Variants in MCCC1 observed in about 807,000 individuals in gnomAD.
MCCC1 encodes methylcrotonoyl-CoA carboxylase subunit alpha, mitochondrial.
In MCCC1, 64 loss-of-function variants were observed where a neutral mutation model predicts 83.8. That is an observed-to-expected ratio of 0.76 (90% CI 0.62 to 0.94). The LOEUF is 0.94. MCCC1 is among the 40% of genes least tolerant of loss of function. The pLI is 0.00. For synonymous variants in MCCC1, 322 were observed against 315.4 expected, an observed-to-expected ratio of 1.02 and a Z score of -0.22; for missense variants, 807 against 904.7, an observed-to-expected ratio of 0.89 and a Z score of 1.39.
upstream of MCCC1, among the ~76,000 whole-genome samples, chr3:183,102,079 G>A (rs1719320552): frequency 6.6e-6 from 1 of 152,200 alleles, no homozygotes. Flanking sequence ...AAGTCAGTGA[G>A]ACCAAGAACC....
chr3:183,017,568 G>C lies in MCCC1; in HGVS notation c.1978-231C>G. The C allele has an allele frequency of 5.6e-6, 3 of 534,062 alleles. No individual in the cohort carries two copies. The South Asian group carries it at 6.4e-5, about 11-fold the overall frequency. 33.1% of individuals were successfully genotyped at this position (534,062 alleles called of 1,614,324 possible). A position where few individuals can be genotyped will look rare whatever the true frequency, so the allele number is the denominator to read the frequency against. Reference sequence around the variant, plus strand: ...ACAGAGCAGAAGTAGAGCCCATGTGGTTGTGCCATCTGCCAAATGCACTGG... The same window carrying C: ...ACAGAGCAGAAGTAGAGCCCATGTGCTTGTGCCATCTGCCAAATGCACTGG... On this transcript the variant is annotated intron_variant, in intron 17 of 18. Coordinates refer to ENST00000265594, the MANE Select transcript of MCCC1 (RefSeq NM_020166.5).
intron 16 of MCCC1, among the ~76,000 whole-genome samples, chr3:183,021,616 CA>C (rs1387688642): frequency 6.6e-6 from 1 of 152,162 alleles, no homozygotes; most frequent in African/African-American, 2.4e-5. Flanking sequence ...TGTTAAGTGG[CA>C]AGGCAGAATT....
At chr3:183,050,657 G>T (rs113251504) in intron 9 of MCCC1, among the ~76,000 whole-genome samples, 4,585 of 127,250 alleles carry the variant, frequency 0.036, 253 homozygotes, top group African/African-American at 0.13. Context: ...AGTGAGCCGA[G>T]ATCACACCAT....
chr3:183,056,594 G>T (rs1226973137), intron 8 of MCCC1, among the ~76,000 whole-genome samples: 1 of 152,152 alleles, frequency 6.6e-6, no homozygotes, highest in East Asian at 1.9e-4. Flanking sequence ...CATATTTTGA[G>T]AACATCTGAA....
chr3:183,099,756 T>C (rs1719037614), upstream of MCCC1, among the ~76,000 whole-genome samples: 1 of 152,222 alleles, frequency 6.6e-6, no homozygotes, highest in Non-Finnish European at 1.5e-5. Flanking sequence ...TGGTTGCCTG[T>C]CACTGTTTCT....
intron 3 of MCCC1, 106 bp downstream of exon 3, chr3:183,092,303 C>T (rs543914745): frequency 8.9e-6 from 13 of 1,452,798 alleles, no homozygotes; most frequent in South Asian, 1.2e-5. Context: ...TTACCTACTT[C>T]AACCCTGATA....
intron 1 of MCCC1, among the ~76,000 whole-genome samples, chr3:183,113,776 G>A (rs1196851100): frequency 6.6e-6 from 1 of 151,994 alleles, no homozygotes; most frequent in Non-Finnish European, 1.5e-5. Context: ...CAGAGTTCTG[G>A]GAGCCACTCT....
intron 4 of MCCC1, among the ~76,000 whole-genome samples, chr3:183,073,402 C>T (rs1442336652): frequency 6.6e-6 from 1 of 152,180 alleles, no homozygotes; most frequent in Admixed American, 6.5e-5. Flanking sequence ...AAATACCTCA[C>T]TTATCTTCAG....
At chr3:183,116,026 T>C (rs1407826975) in exon 1 of MCCC1, 1 of 152,208 alleles carries the variant, frequency 6.6e-6, no homozygotes, top group Non-Finnish European at 1.5e-5. Flanking sequence ...TTTTTTAAAT[T>C]AAGCTAGAAA....
At chr3:183,019,031 G>T (rs557753194) in intron 17 of MCCC1, among the ~76,000 whole-genome samples, 4 of 152,270 alleles carry the variant, frequency 2.6e-5, no homozygotes, top group African/African-American at 9.6e-5. Flanking sequence ...AGAGGCCTGT[G>T]GGAACTGAAA....
chr3:183,035,691 A>G (rs372580412), intron 13 of MCCC1, among the ~76,000 whole-genome samples: 2 of 152,260 alleles, frequency 1.3e-5, no homozygotes, highest in East Asian at 3.9e-4. Context: ...CAAACTGTAT[A>G]GGGTAATATA....
Position 183,085,260 on chromosome 3 carries a change from C to G in MCCC1, c.369+1433G>C, listed in dbSNP as rs73053955. On this transcript the variant is annotated intron_variant, in intron 4 of 18. Transcript: ENST00000265594. ...CCCACTTCAATCATCCATTTCCCCA[C>G]CCAGAAGCCACAGCGATTTTATTAA... 4.7e-3 allele frequency among the ~76,000 whole-genome samples: 709 copies of G among 152,222 alleles called. 5 individuals carry two copies. Among genetic ancestry groups the G allele is most frequent in the African/African-American group, 0.016 (674 of 41,550 alleles).
At chr3:183,088,823 C>G (rs1718107458) in intron 3 of MCCC1, among the ~76,000 whole-genome samples, 1 of 152,188 alleles carries the variant, frequency 6.6e-6, no homozygotes, top group Non-Finnish European at 1.5e-5. Flanking sequence ...GTACACATGT[C>G]TATACCTCAT....
chr3:183,111,775 T>A (rs1241756929), intron 1 of MCCC1, among the ~76,000 whole-genome samples: 3 of 152,194 alleles, frequency 2.0e-5, no homozygotes, highest in Admixed American at 2.0e-4. Context: ...AGCAACACAG[T>A]GATCAGACGG....
At chr3:183,099,572 G>A (rs529095789), upstream of MCCC1, 68 of 1,068,700 alleles carry the variant, frequency 6.4e-5, 1 homozygote, top group South Asian at 8.8e-4. Flanking sequence ...CTACCTTTGG[G>A]CTGATCCAAG....
At chr3:183,104,059 T>C (rs375445175), upstream of MCCC1, among the ~76,000 whole-genome samples, 4 of 152,104 alleles carry the variant, frequency 2.6e-5, no homozygotes, top group East Asian at 3.9e-4. Flanking sequence ...CCACCAAGCC[T>C]ACGCCCACCC....
intron 1 of MCCC1, among the ~76,000 whole-genome samples, chr3:183,111,450 C>T (rs902545925): frequency 2.0e-5 from 3 of 152,180 alleles, no homozygotes; most frequent in African/African-American, 7.2e-5. Flanking sequence ...TAGGCACCTA[C>T]CACCACGCCT....
In MCCC1 at chr3:183,092,454, C is replaced by T; in HGVS notation, c.228G>A (p.Val76=). The T allele has an allele frequency of 6.2e-7, 1 of 1,614,174 alleles. No homozygotes were observed. The highest frequency in any genetic ancestry group is 2.2e-5 in the East Asian group (1 of 44,880). ...TTCTGTCAGCCTCACTATAAACCGC[C>T]ACAGTCTGTACACCCAGTTTTTTGG... is the stretch of plus-strand genomic sequence containing the variant. The part of the protein sequence containing the change: ...RTAKKLGVQT[V]AVYSEADRNS... The change falls in exon 3 of 19, where the codon GTG becomes GTA. Residue 76 remains valine (V), a synonymous_variant. Coordinates refer to ENST00000265594, the MANE Select transcript of MCCC1 (RefSeq NM_020166.5).
In MCCC1 at chr3:183,064,189, T is replaced by C. The variant is rs186899589; in HGVS notation, c.762-6767A>G. ...CGGCGGTCGGTGATAGGATTAGGCA[T>C]GTACAGGATGGTGGGACATGGGGAG... is the stretch of plus-strand genomic sequence containing the variant. On this transcript the variant is annotated intron_variant, in intron 7 of 18. Coordinates refer to ENST00000265594, the MANE Select transcript of MCCC1 (RefSeq NM_020166.5). The surrounding 1 kb of genome is among the most constrained non-coding windows in gnomAD (Gnocchi z 4.5). Among the ~76,000 whole-genome samples, 14 of 151,904 alleles carry C rather than the reference T, an allele frequency of 9.2e-5. No homozygotes were observed. Among genetic ancestry groups the C allele is most frequent in the Middle Eastern group, 3.5e-3 (1 of 288 alleles).
Sources: allele counts gnomAD v4.1 joint callset (sites outside exome capture counted in the v4.1 genomes callset), GRCh38; gene constraint gnomAD v4.1.1; non-coding constraint Gnocchi (gnomAD v3.1); transcripts MANE v1.5; gene names NCBI Gene and HGNC (gene_info 2026-07-23, HGNC 2026-07-21).